The following DPY19L2 variants were observed in gnomAD, a reference collection of about 807,000 sequenced individuals.
The protein encoded by DPY19L2 is probable C-mannosyltransferase DPY19L2.
Under a neutral mutation model 97.9 loss-of-function variants are expected in DPY19L2, and 34 were observed. The ratio of observed to expected loss-of-function variants is 0.35; its 90% CI spans 0.26 to 0.46. The LOEUF (loss-of-function observed/expected upper bound fraction) is 0.46, where lower values mean the gene tolerates loss of function less well. Among genes scored for constraint, DPY19L2 ranks in the 20% least tolerant of loss-of-function variants. The pLI is 1.00. For synonymous variants in DPY19L2, 230 were observed against 307.9 expected (o/e 0.75, Z 2.65); for missense variants, 623 against 911.4 (o/e 0.68, Z 4.07).
Position 63,668,302 on chromosome 12 carries a change from G to T in DPY19L2, c.92C>A (p.Pro31Gln). 2 of 1,613,864 alleles carry T rather than the reference G, an allele frequency of 1.2e-6. No homozygotes were observed. The highest frequency in any genetic ancestry group is 1.7e-6 in the Non-Finnish European group (2 of 1,179,910). ...GRRGASLARE[P>Q]EVEEEMEKSA... is the part of the protein sequence containing the mutation. Reference sequence around the variant, plus strand: ...CTTTTCCATCTCCTCCTCTACCTCCGGCTCCCGGGCGAGGGAGGCCCCGCG... The same window carrying T: ...CTTTTCCATCTCCTCCTCTACCTCCTGCTCCCGGGCGAGGGAGGCCCCGCG... Residue 31 changes from proline (P) to glutamine (Q), a missense_variant, in exon 1 of 22, where the codon CCG becomes CAG. By Grantham distance (76) the Pro-to-Gln change is moderately conservative (BLOSUM62 -1). Coordinates refer to ENST00000324472, the MANE Select transcript of DPY19L2 (RefSeq NM_173812.5).
At chr12:63,614,872 CA>C (rs1887594820) in intron 11 of DPY19L2, among the ~76,000 whole-genome samples, 1 of 152,088 alleles carries the variant, frequency 6.6e-6, no homozygotes. Context: ...ATGACCTACT[CA>C]GTATCAATGA....
intron 6 of DPY19L2, among the ~76,000 whole-genome samples, chr12:63,644,004 G>GC (rs1893053802): frequency 1.3e-5 from 2 of 152,148 alleles, no homozygotes; most frequent in African/African-American, 4.8e-5. Context: ...GCTAGCAGAT[G>GC]TAAGTGCCTG....
chr12:63,583,125 A>G (rs1565714140), intron 17 of DPY19L2, among the ~76,000 whole-genome samples: 1 of 152,180 alleles, frequency 6.6e-6, no homozygotes, highest in Non-Finnish European at 1.5e-5. Flanking sequence ...CCAAAATTCA[A>G]TAAAATCTGA....
rs556823655 is a variant in DPY19L2 at position 63,574,381 on chromosome 12, A to G, written c.1901-3524T>C. ...ACACCACCAGAGAAAATCACCTTCA[A>G]TGAAAGAAAAAGAGGAAGGAAGAGA... On this transcript the variant is annotated intron_variant, in intron 19 of 21. Coordinates refer to ENST00000324472, the MANE Select transcript of DPY19L2 (RefSeq NM_173812.5). Among the ~76,000 whole-genome samples, 65 of 152,094 alleles carry G rather than the reference A, an allele frequency of 4.3e-4. 2 individuals are homozygous for G. Among genetic ancestry groups the G allele is most frequent in the African/African-American group, 1.4e-3 (59 of 41,560 alleles).
At chr12:63,616,843 C>A (rs1887923326) in intron 11 of DPY19L2, among the ~76,000 whole-genome samples, 1 of 152,048 alleles carries the variant, frequency 6.6e-6, no homozygotes. Flanking sequence ...CCAGCCCAAT[C>A]ACACAAAATA....
intron 12 of DPY19L2, among the ~76,000 whole-genome samples, chr12:63,602,519 A>G (rs1330150658): frequency 2.0e-5 from 3 of 152,154 alleles, no homozygotes; most frequent in Admixed American, 6.5e-5. Context: ...TCCAGAAATA[A>G]AAGAAGACCT....
In DPY19L2 at chr12:63,596,033, G is replaced by A. The variant is rs144086460; in HGVS notation, c.1466C>T (p.Pro489Leu). 2,620 of 1,598,638 alleles carry A rather than the reference G, an allele frequency of 1.6e-3. 11 individuals carry two copies. Among genetic ancestry groups the A allele is most frequent in the Non-Finnish European group, 2.0e-3 (2,352 of 1,172,790 alleles). ...PEFDFMEKATPLRYTKTLLLP... is the reference protein window; with the variant it reads ...PEFDFMEKATLLRYTKTLLLP... Reference sequence around the variant, plus strand: ...CAATAATGTCTTTGTGTATCTCAGCGGAGTCTGAAATATACCAAATTATTC... The same window carrying A: ...CAATAATGTCTTTGTGTATCTCAGCAGAGTCTGAAATATACCAAATTATTC... The change falls in exon 15 of 22, where the codon CCG (proline) becomes CTG (leucine). Residue 489 changes from proline to leucine, a missense_variant. Around this residue, in one of 6 missense-constraint regions of DPY19L2, gnomAD observed 294 missense variants for 446.2 expected, o/e 0.66. Coordinates refer to ENST00000324472, the MANE Select transcript of DPY19L2 (RefSeq NM_173812.5).
At chr12:63,575,662 G>C (rs1187182506) in intron 19 of DPY19L2, among the ~76,000 whole-genome samples, 3 of 151,860 alleles carry the variant, frequency 2.0e-5, no homozygotes, top group African/African-American at 4.8e-5. Context: ...AGACTACCAT[G>C]AGCAACTGTA....
intron 9 of DPY19L2, 21 bp from the exon 10 acceptor site, chr12:63,618,249 A>G: frequency 1.0e-6 from 1 of 997,100 alleles, no homozygotes; most frequent in Non-Finnish European, 1.4e-6. Context: ...ATAAAAAAGC[A>G]AAAGTGAAAA....
chr12:63,625,883 G>A (rs1889447130), intron 7 of DPY19L2, among the ~76,000 whole-genome samples: 1 of 150,584 alleles, frequency 6.6e-6, no homozygotes, highest in African/African-American at 2.4e-5. Context: ...TCTGTTAAGA[G>A]GGCAGATCAT....
chr12:63,668,021 C>T, intron 1 of DPY19L2, 36 bp downstream of exon 1: 2 of 1,579,144 alleles, frequency 1.3e-6, no homozygotes, highest in Non-Finnish European at 1.7e-6. Flanking sequence ...AAGCGCCATG[C>T]GGCTCCCTCC....
At chr12:63,616,031 A>T (rs1293153749) in intron 11 of DPY19L2, among the ~76,000 whole-genome samples, 1 of 152,202 alleles carries the variant, frequency 6.6e-6, no homozygotes, top group African/African-American at 2.4e-5. Flanking sequence ...CGTTATAAGT[A>T]ACCTAGAGAT....
At chr12:63,580,157 A>C (rs1288747787) in intron 19 of DPY19L2, among the ~76,000 whole-genome samples, 1 of 118,570 alleles carries the variant, frequency 8.4e-6, no homozygotes, top group Non-Finnish European at 1.7e-5. Flanking sequence ...AGTGAAGAAA[A>C]TAGAATATCC....
intron 6 of DPY19L2, among the ~76,000 whole-genome samples, chr12:63,634,163 T>C (rs1246408525): frequency 6.6e-6 from 1 of 152,122 alleles, no homozygotes; most frequent in Non-Finnish European, 1.5e-5. Flanking sequence ...TGCATACATA[T>C]GTAACTAACC....
intron 16 of DPY19L2, among the ~76,000 whole-genome samples, chr12:63,586,661 T>C (rs1881844519): frequency 6.6e-6 from 1 of 152,184 alleles, no homozygotes; most frequent in South Asian, 2.1e-4. Flanking sequence ...TCTCACAAGG[T>C]GACTGTGAGG....
intron 20 of DPY19L2, among the ~76,000 whole-genome samples, chr12:63,570,307 C>G (rs1168736819): frequency 1.3e-5 from 2 of 151,828 alleles, no homozygotes; most frequent in African/African-American, 4.8e-5. Flanking sequence ...CTTTCATGTA[C>G]TTTTTCTACC....
intron 9 of DPY19L2, among the ~76,000 whole-genome samples, chr12:63,619,623 G>C (rs1423733760): frequency 1.3e-5 from 2 of 151,392 alleles, no homozygotes; most frequent in South Asian, 2.1e-4. Context: ...GCAATTCTCT[G>C]CCTCAGCCTC....
rs917533776 is a variant in DPY19L2 at position 63,580,828 on chromosome 12, G to T, written c.1734C>A (p.Gly578=). 7 of 1,611,416 alleles carry T rather than the reference G, an allele frequency of 4.3e-6. No homozygotes were observed. In the Admixed American group the frequency reaches 1.2e-4, roughly 27 times the overall value. ...CAAAACGAACTCTGCGAAAAAGCCA[G>T]CCAAAGAGCTGAAACGAAAGAAACC... ...ASLICSRQLF[G]WLFRRVRFEK... The change falls in exon 19 of 22, where the codon GGC becomes GGA. Residue 578 remains glycine, a synonymous_variant. Transcript: ENST00000324472.
At chr12:63,564,767 T>C (rs1240265920) in intron 21 of DPY19L2, among the ~76,000 whole-genome samples, 1 of 152,164 alleles carries the variant, frequency 6.6e-6, no homozygotes, top group Non-Finnish European at 1.5e-5. Context: ...ATTCAAGTCT[T>C]CCATATTCTT....
Sources: gnomAD v4.1 joint callset for allele counts (sites outside exome capture counted in the v4.1 genomes callset) on GRCh38, gnomAD v4.1.1 for gene constraint, gnomAD v4.1.1 regional missense constraint, MANE v1.5 for transcripts, NCBI Gene and HGNC (gene_info 2026-07-23, HGNC 2026-07-21) for gene names.